SUFU: variants seen among roughly 807,000 people sequenced by gnomAD.
The protein encoded by SUFU is SUFU negative regulator of hedgehog signaling.
Under a neutral mutation model 58.9 loss-of-function variants are expected in SUFU, and 7 were observed. The observed-to-expected ratio is 0.12, with a 90% CI of 0.07 to 0.22. The LOEUF (loss-of-function observed/expected upper bound fraction) is 0.22, where lower values mean the gene tolerates loss of function less well. SUFU is among the 10% of genes least tolerant of loss of function. The pLI, the probability that SUFU is intolerant of heterozygous loss-of-function variation, is 1.00. For missense variants in SUFU, 451 were observed against 641.3 expected (o/e 0.70, Z 3.20); for synonymous variants, 232 against 254.8 (o/e 0.91, Z 0.85).
At chr10:102,506,051 A>G (rs1373778628) in intron 1 of SUFU, among the ~76,000 whole-genome samples, 1 of 149,964 alleles carries the variant, frequency 6.7e-6, no homozygotes, top group African/African-American at 2.5e-5. Context: ...AAAAAAAAAA[A>G]AAAAAAAAAA....
chr10:102,573,326 A>G (rs931475100), intron 3 of SUFU: 2 of 492,948 alleles, frequency 4.1e-6, no homozygotes, highest in East Asian at 4.0e-5. Context: ...ACAAAACAAA[A>G]CAGAAAATAG....
intron 3 of SUFU, among the ~76,000 whole-genome samples, chr10:102,560,482 C>T (rs1023216273): frequency 1.3e-5 from 2 of 151,820 alleles, no homozygotes; most frequent in East Asian, 1.9e-4. Context: ...GGCTGAGGCA[C>T]GAGAATTGCT....
At chr10:102,581,877 A>G (rs530637322) in intron 3 of SUFU, among the ~76,000 whole-genome samples, 1 of 152,206 alleles carries the variant, frequency 6.6e-6, no homozygotes, top group South Asian at 2.1e-4. Flanking sequence ...TTTTTTCTTG[A>G]GAGATTATGA....
At chr10:102,558,072 G>A (rs2062999631) in intron 3 of SUFU, among the ~76,000 whole-genome samples, 1 of 151,882 alleles carries the variant, frequency 6.6e-6, no homozygotes, top group Admixed American at 6.6e-5. Flanking sequence ...GCTAACTTTT[G>A]TATTTTTAGT....
rs536687601 is a variant in SUFU at position 102,570,578 on chromosome 10, C to T, written c.454+20472C>T. ...TTTCTAATCGGTATTTTTGTGACCC[C>T]TTCTTCTGTGTTCCAGTCTGGTTTC... On this transcript the variant is annotated intron_variant, in intron 3 of 11. Transcript: ENST00000369902. Among the ~76,000 whole-genome samples the T allele has an allele frequency of 1.8e-3, 268 of 152,076 alleles. 1 individual carries two copies. Among genetic ancestry groups the T allele is most frequent in the South Asian group, 4.4e-3 (21 of 4,808 alleles).
At position 102,617,875 on chromosome 10, in the gene SUFU, G is replaced by GCAGGC. The variant is rs2063703126; in HGVS notation, c.1296+449_1296+453dup. The GCAGGC allele has an allele frequency of 3.0e-6, 1 of 337,726 alleles. No individual in the cohort carries two copies. The highest frequency in any genetic ancestry group is 8.2e-5 in the South Asian group (1 of 12,262). The allele number at this position is 337,726 out of a possible 1,614,324, so 20.9% of individuals were successfully genotyped here. ...GCATGTGTGCCTGGACCAGGGCTGG[G>GCAGGC]CAGGCCTCAGTGGGAAGAGCCTCCC... On this transcript the variant is annotated intron_variant, in intron 10 of 11. Transcript: ENST00000369902. This position sits in a 1 kb window ranked among gnomAD's most constrained non-coding sequence, Gnocchi z 4.4.
chr10:102,592,648 T>C lies in SUFU; in HGVS notation c.521T>C (p.Ile174Thr), dbSNP rs2063415661. Reference sequence around the variant, plus strand: ...CCTTTGGATAACAGTGAGTCAAGAATTCAGCACATGCTGCTGACAGAGGAC... The same window carrying C: ...CCTTTGGATAACAGTGAGTCAAGAACTCAGCACATGCTGCTGACAGAGGAC... ...HSPLDNSESR[I>T]QHMLLTEDPQ... is the part of the protein sequence containing the mutation. The change falls in exon 4 of 12, where the codon ATT (isoleucine) becomes ACT (threonine). Residue 174 changes from isoleucine to threonine, a missense_variant. Transcript: ENST00000369902. The C allele has an allele frequency of 6.2e-7, 1 of 1,614,172 alleles. No individual in the cohort carries two copies. Among genetic ancestry groups the C allele is most frequent in the Non-Finnish European group, 8.5e-7 (1 of 1,180,034 alleles).
intron 2 of SUFU, among the ~76,000 whole-genome samples, chr10:102,527,226 T>A (rs868741513): frequency 3.3e-5 from 5 of 151,984 alleles, no homozygotes; most frequent in Middle Eastern, 3.4e-3. Flanking sequence ...ATGGTCTCGA[T>A]CTCCTGACCT....
chr10:102,526,474 G>A (rs1433997156), intron 2 of SUFU, among the ~76,000 whole-genome samples: 2 of 152,064 alleles, frequency 1.3e-5, no homozygotes, highest in East Asian at 3.9e-4. Flanking sequence ...GATCGCTTGA[G>A]CCCAGGAGGC....
intron 1 of SUFU, among the ~76,000 whole-genome samples, chr10:102,508,748 A>G (rs2062361696): frequency 6.6e-6 from 1 of 152,204 alleles, no homozygotes; most frequent in Non-Finnish European, 1.5e-5. Flanking sequence ...AACAATGCCC[A>G]TTGGGGATGC....
At chr10:102,554,348 A>G (rs1271694157) in intron 3 of SUFU, among the ~76,000 whole-genome samples, 1 of 152,138 alleles carries the variant, frequency 6.6e-6, no homozygotes, top group Non-Finnish European at 1.5e-5. Flanking sequence ...GGTTGTAGTG[A>G]GCTGAGATCA....
intron 2 of SUFU, among the ~76,000 whole-genome samples, chr10:102,510,251 C>T (rs752201794): frequency 8.6e-5 from 13 of 152,008 alleles, no homozygotes; most frequent in Non-Finnish European, 1.6e-4. Flanking sequence ...GCTTTGTTGC[C>T]CAGGCTGGAG....
chr10:102,579,787 G>C, intron 3 of SUFU: 1 of 983,236 alleles, frequency 1.0e-6, no homozygotes, highest in Non-Finnish European at 1.2e-6. Context: ...CTAGCTGAGG[G>C]AAGCTCTCAA....
chr10:102,619,320 A>C lies in SUFU; in HGVS notation c.1296+1892A>C, dbSNP rs1211020371. 1 of 1,431,530 alleles carries C rather than the reference A, an allele frequency of 7.0e-7. No individual in the cohort carries two copies. Among genetic ancestry groups the C allele is most frequent in the Non-Finnish European group, 9.1e-7 (1 of 1,096,164 alleles). 88.7% of individuals were successfully genotyped at this position (1,431,530 alleles called of 1,614,324 possible). On this transcript the variant is annotated intron_variant, in intron 10 of 11. Transcript: ENST00000369902. The surrounding 1 kb of genome is among the most constrained non-coding windows in gnomAD (Gnocchi z 4.2). The stretch of plus-strand genomic sequence containing the variant: ...CCCCTCACCTCCCTGGCAGCCCCTC[A>C]GCGAGCCTGAGGCCCAGCACCCGCT...
chr10:102,625,276 A>G lies in SUFU; in HGVS notation c.1297-1899A>G, dbSNP rs2063775323. On this transcript the variant is annotated intron_variant, in intron 10 of 11. Coordinates refer to ENST00000369902, the MANE Select transcript of SUFU (RefSeq NM_016169.4). The surrounding 1 kb of genome is among the most constrained non-coding windows in gnomAD (Gnocchi z 4.7). ...GAATTAGGAAGAACTGTAGGGGTGC[A>G]CCTCCCCGAACTTTGCCAACTTTGC... Among the ~76,000 whole-genome samples the G allele has an allele frequency of 6.6e-6, 1 of 151,834 alleles. No individual in the cohort carries two copies. Among genetic ancestry groups the G allele is most frequent in the Non-Finnish European group, 1.5e-5 (1 of 67,968 alleles).
In SUFU at chr10:102,504,343, T is replaced by C. The variant is rs756923648; in HGVS notation, c.182+9T>C. 3 of 1,613,990 alleles carry C rather than the reference T, an allele frequency of 1.9e-6. No homozygotes were observed. In the East Asian group the frequency reaches 6.7e-5, roughly 36 times the overall value. On this transcript the variant is annotated intron_variant, in intron 1 of 11. Coordinates refer to ENST00000369902, the MANE Select transcript of SUFU (RefSeq NM_016169.4). The stretch of plus-strand genomic sequence containing the variant: ...GCTATCGTCAAGTACTGGTATGCTC[T>C]GGGCCGCGGGGAGACGGACAGGCGC...
At chr10:102,571,824 ATTCTT>A (rs1198856697) in intron 3 of SUFU, among the ~76,000 whole-genome samples, 2 of 152,160 alleles carry the variant, frequency 1.3e-5, no homozygotes, top group African/African-American at 4.8e-5. Context: ...ACCATGCTGC[ATTCTT>A]TTCTTTTCTT....
chr10:102,593,826 C>T lies in SUFU; in HGVS notation c.683+105C>T, dbSNP rs1437783160. ...CCCTCTTGCGTTGTTATTTCAGACCCTGGTTTTTCACATCAGGGCTTCCTG... is the reference window on the plus strand; with the variant it reads ...CCCTCTTGCGTTGTTATTTCAGACCTTGGTTTTTCACATCAGGGCTTCCTG... On this transcript the variant is annotated intron_variant, in intron 5 of 11. Coordinates refer to ENST00000369902, the MANE Select transcript of SUFU (RefSeq NM_016169.4). 4.9e-6 allele frequency: 7 copies of T among 1,415,238 alleles called. No homozygotes were observed. In the East Asian group the frequency reaches 9.3e-5, roughly 19 times the overall value. The allele number at this position is 1,415,238 out of a possible 1,614,324, so 87.7% of individuals were successfully genotyped here. A position where few individuals can be genotyped will look rare whatever the true frequency, so the allele number is the denominator to read the frequency against.
At chr10:102,566,835 C>T (rs1041234775) in intron 3 of SUFU, among the ~76,000 whole-genome samples, 4 of 145,826 alleles carry the variant, frequency 2.7e-5, no homozygotes, top group Non-Finnish European at 6.0e-5. Context: ...GTCCCAGCTA[C>T]TCAGGAGGCT....
Sources: allele counts gnomAD v4.1 joint callset (sites outside exome capture counted in the v4.1 genomes callset), GRCh38; gene constraint gnomAD v4.1.1; non-coding constraint Gnocchi (gnomAD v3.1); transcripts MANE v1.5; gene names NCBI Gene and HGNC (gene_info 2026-07-23, HGNC 2026-07-21).